The following SORBS2 variants were observed in gnomAD, a reference collection of about 807,000 sequenced individuals.
SORBS2 encodes sorbin and SH3 domain containing 2, also known as sorbin and SH3 domain-containing protein 2.
Under a neutral mutation model 97.7 loss-of-function variants are expected in SORBS2, and 46 were observed. The observed-to-expected ratio is 0.47, with a 90% CI of 0.37 to 0.60. The LOEUF (loss-of-function observed/expected upper bound fraction) is 0.60. Among genes scored for constraint, SORBS2 ranks in the 20% least tolerant of loss-of-function variants. The pLI, the probability that SORBS2 is intolerant of heterozygous loss-of-function variation, is 0.00. For missense variants in SORBS2, 1,316 were observed against 1,282.3 expected (o/e 1.03, Z -0.40); for synonymous variants, 476 against 473.4 (o/e 1.01, Z -0.07).
chr4:185,909,383 C>CT lies in SORBS2; in HGVS notation c.-338+46812dup. Among the ~76,000 whole-genome samples the CT allele has an allele frequency of 1.3e-5, 2 of 152,000 alleles. 1 individual carries two copies. Among genetic ancestry groups the CT allele is most frequent in the Middle Eastern group, 6.8e-3 (2 of 294 alleles). Reference sequence around the variant, plus strand: ...GACAAGCATTGGAGACTCAGAAGGGCTAGGGGTATGTGGGGAGGGGGTGGA... The same window carrying CT: ...GACAAGCATTGGAGACTCAGAAGGGCTTAGGGGTATGTGGGGAGGGGGTGGA... On this transcript the variant is annotated intron_variant, in intron 1 of 20. Coordinates refer to the SORBS2 transcript ENST00000284776.
chr4:185,939,960 A>G (rs1180627245), intron 1 of SORBS2, among the ~76,000 whole-genome samples: 3 of 152,112 alleles, frequency 2.0e-5, no homozygotes, highest in Non-Finnish European at 4.4e-5. Context: ...TTCTCTTCTT[A>G]CTTGACCTCT....
chr4:185,919,926 C>A (rs796376226), intron 1 of SORBS2, among the ~76,000 whole-genome samples: 1 of 152,318 alleles, frequency 6.6e-6, no homozygotes, highest in South Asian at 2.1e-4. Context: ...CAAAATCTAC[C>A]GCTGTTCTGA....
At chr4:185,655,380 A>G (rs182378186) in intron 1 of SORBS2, among the ~76,000 whole-genome samples, 6 of 152,350 alleles carry the variant, frequency 3.9e-5, no homozygotes, top group Middle Eastern at 3.4e-3. Context: ...AAGAAAAACA[A>G]CCTTGGAGAG....
At chr4:185,854,854 C>G (rs2099219915) in intron 1 of SORBS2, among the ~76,000 whole-genome samples, 2 of 151,936 alleles carry the variant, frequency 1.3e-5, no homozygotes, top group Non-Finnish European at 2.9e-5. Flanking sequence ...GTGCTAGTCC[C>G]TGATTCCAAA....
In SORBS2 at chr4:185,589,901, G is replaced by C. The variant is rs140858046; in HGVS notation, c.2847-116C>G. 451 of 689,264 alleles carry C rather than the reference G, an allele frequency of 6.5e-4. 6 individuals carry two copies. The African/African-American group carries it at 7.4e-3, about 11-fold the overall frequency. 42.7% of individuals were successfully genotyped at this position (689,264 alleles called of 1,614,324 possible). A position where few individuals can be genotyped will look rare whatever the true frequency, so the allele number is the denominator to read the frequency against. On this transcript the variant is annotated intron_variant, in intron 13 of 14. Transcript: ENST00000418609. ...TCCTATTCTTAACAACATTCTGTTGGGTGGTACAAGCCTGGTAAGCATGTA... is the reference window on the plus strand; with the variant it reads ...TCCTATTCTTAACAACATTCTGTTGCGTGGTACAAGCCTGGTAAGCATGTA...
intron 1 of SORBS2, among the ~76,000 whole-genome samples, chr4:185,955,987 T>A (rs1413068865): frequency 6.6e-6 from 1 of 152,024 alleles, no homozygotes; most frequent in African/African-American, 2.4e-5. Flanking sequence ...TAATAAAAGC[T>A]CTGTGCACAG....
At chr4:185,662,508 T>G (rs1474578550) in intron 4 of SORBS2, among the ~76,000 whole-genome samples, 1 of 152,210 alleles carries the variant, frequency 6.6e-6, no homozygotes, top group Non-Finnish European at 1.5e-5. Context: ...GGCATGCCAC[T>G]CTGCCAACAG....
At chr4:185,827,061 C>G (rs796372611) in intron 1 of SORBS2, among the ~76,000 whole-genome samples, 7 of 58,992 alleles carry the variant, frequency 1.2e-4, no homozygotes, top group African/African-American at 4.1e-4. Context: ...TCACCATCAT[C>G]ATCATCACCA....
chr4:185,802,814 A>T (rs2099136799), intron 1 of SORBS2, among the ~76,000 whole-genome samples: 1 of 152,188 alleles, frequency 6.6e-6, no homozygotes, highest in South Asian at 2.1e-4. Flanking sequence ...TTCCCAAGAG[A>T]ATGCACTGAC....
Position 185,631,288 on chromosome 4 carries a change from G to A in SORBS2, c.397-690C>T, listed in dbSNP as rs146034133. 2.4e-3 allele frequency among the ~76,000 whole-genome samples: 362 copies of A among 152,304 alleles called. 4 individuals carry two copies. The highest frequency in any genetic ancestry group is 8.0e-3 in the African/African-American group (332 of 41,566). On this transcript the variant is annotated intron_variant, in intron 4 of 14. Transcript: ENST00000418609. ...GCAAAATATAACTTTTTTAAAGTGC[G>A]CTTTTAAATTTTTCCTTCATTCTGA...
chr4:185,806,613 A>G (rs1259025308), intron 1 of SORBS2, among the ~76,000 whole-genome samples: 45 of 150,828 alleles, frequency 3.0e-4, no homozygotes, highest in Admixed American at 2.3e-3. Flanking sequence ...GCCCGCCACT[A>G]CGCCCGGCTA....
At position 185,798,861 on chromosome 4, in the gene SORBS2, G is replaced by A. The variant is rs373780311; in HGVS notation, c.-337-23495C>T. ...TTTTTGCCCTGATATCAAAAGCAAAGCAAAACAGGTCTTCTCCATTCCCAT... is the reference window on the plus strand; with the variant it reads ...TTTTTGCCCTGATATCAAAAGCAAAACAAAACAGGTCTTCTCCATTCCCAT... On this transcript the variant is annotated intron_variant, in intron 1 of 20. Coordinates refer to the SORBS2 transcript ENST00000284776. Among the ~76,000 whole-genome samples, 27 of 152,202 alleles carry A rather than the reference G, an allele frequency of 1.8e-4. No individual in the cohort carries two copies. In the East Asian group the frequency reaches 3.3e-3, roughly 18 times the overall value.
chr4:185,807,822 T>C (rs2099163348), intron 1 of SORBS2, among the ~76,000 whole-genome samples: 1 of 152,230 alleles, frequency 6.6e-6, no homozygotes. Flanking sequence ...AATTGTTAGT[T>C]TGAGGAACTT....
chr4:185,746,234 T>C lies in SORBS2; in HGVS notation c.-198+28993A>G, dbSNP rs2098759535. 2.0e-5 allele frequency among the ~76,000 whole-genome samples: 3 copies of C among 152,264 alleles called. No homozygotes were observed. The South Asian group carries it at 6.2e-4, about 32-fold the overall frequency. On this transcript the variant is annotated intron_variant, in intron 2 of 20. Coordinates refer to the SORBS2 transcript ENST00000284776. The stretch of plus-strand genomic sequence containing the variant: ...CCTCCGCGGACATCACCAGAAGGCA[T>C]GGTTTCAGGGGTGTTTTTCAGAAGG...
At chr4:185,752,299 A>G (rs532793969) in intron 2 of SORBS2, among the ~76,000 whole-genome samples, 21 of 152,270 alleles carry the variant, frequency 1.4e-4, no homozygotes, top group Admixed American at 3.3e-4. Flanking sequence ...TATATGAGAC[A>G]GAGTCTCGCT....
chr4:185,943,493 A>T (rs2099273093), intron 1 of SORBS2, among the ~76,000 whole-genome samples: 1 of 152,230 alleles, frequency 6.6e-6, no homozygotes. Flanking sequence ...AGTAATTTCT[A>T]GTTAATAGGA....
intron 1 of SORBS2, among the ~76,000 whole-genome samples, chr4:185,821,161 G>A (rs1232511835): frequency 3.9e-5 from 6 of 152,178 alleles, no homozygotes; most frequent in Non-Finnish European, 4.4e-5. Flanking sequence ...GAACCGTCCC[G>A]CGCCTCACCA....
At chr4:185,774,477 G>A (rs2098989974) in intron 2 of SORBS2, 2 of 152,190 alleles carry the variant, frequency 1.3e-5, no homozygotes, top group Non-Finnish European at 2.9e-5. Context: ...AGTAAATGCT[G>A]TGTTTGAAGT....
intron 1 of SORBS2, among the ~76,000 whole-genome samples, chr4:185,953,103 TCAGGAGTTCAAGAC>T (rs1488550630): frequency 1.3e-5 from 2 of 152,084 alleles, no homozygotes; most frequent in East Asian, 3.9e-4. Flanking sequence ...TCACCTGAGG[TCAGGAGTTCAAGAC>T]CAGCCTGGCC....
Sources: allele counts gnomAD v4.1 joint callset (sites outside exome capture counted in the v4.1 genomes callset), GRCh38; gene constraint gnomAD v4.1.1; transcripts MANE v1.5; gene names NCBI Gene and HGNC (gene_info 2026-07-23, HGNC 2026-07-21).